The following RGS7 variants were observed in gnomAD, a reference collection of about 807,000 sequenced individuals.
RGS7 encodes the protein regulator of G-protein signaling 7.
In RGS7, 27 loss-of-function variants were observed where a neutral mutation model predicts 81.1. The observed-to-expected ratio is 0.33, with a 90% CI of 0.25 to 0.46. The LOEUF (loss-of-function observed/expected upper bound fraction) is 0.46, where lower values mean the gene tolerates loss of function less well. Ranked by LOEUF, RGS7 falls within the 20% of genes least tolerant of loss-of-function variation. The pLI is 1.00. For missense variants in RGS7, 396 were observed against 607.4 expected (o/e 0.65, Z 3.66); for synonymous variants, 208 against 207.7 (o/e 1.00, Z -0.01).
intron 2 of RGS7, among the ~76,000 whole-genome samples, chr1:241,260,254 A>T (rs140070792): frequency 1.4e-4 from 22 of 152,324 alleles, no homozygotes; most frequent in African/African-American, 5.1e-4. Flanking sequence ...TCCCAAGTAC[A>T]CAGTAGGTCA....
intron 2 of RGS7, among the ~76,000 whole-genome samples, chr1:241,256,948 CACACACACACACACGTGT>C: frequency 6.6e-6 from 1 of 151,808 alleles, no homozygotes; most frequent in South Asian, 2.1e-4. Context: ...CACACACACA[CACACACACACACACGTGT>C]GTGTATCTAT....
intron 2 of RGS7, among the ~76,000 whole-genome samples, chr1:241,182,032 CAG>C (rs1449122757): frequency 2.6e-5 from 4 of 152,148 alleles, no homozygotes; most frequent in African/African-American, 9.6e-5. Context: ...CAGTACCGTG[CAG>C]AGTCACAACC....
chr1:240,853,900 CAAA>C (rs35471716), intron 9 of RGS7, among the ~76,000 whole-genome samples: 125 of 22,202 alleles, frequency 5.6e-3, no homozygotes, highest in African/African-American at 0.018. Context: ...GACTCCGTCT[CAAA>C]AAAAAAAAAA....
chr1:240,941,734 T>C (rs1377873374), intron 4 of RGS7, among the ~76,000 whole-genome samples: 1 of 151,808 alleles, frequency 6.6e-6, no homozygotes, highest in Admixed American at 6.6e-5. Context: ...GGTGCCACAG[T>C]TCCCTGTGGT....
At chr1:241,078,483 T>TTA (rs1189678820) in intron 3 of RGS7, among the ~76,000 whole-genome samples, 12 of 75,824 alleles carry the variant, frequency 1.6e-4, no homozygotes, top group African/African-American at 6.1e-4. Flanking sequence ...CACACGTAAG[T>TTA]TATGTGTGTG....
At chr1:240,925,695 T>C (rs1674328010) in intron 6 of RGS7, among the ~76,000 whole-genome samples, 1 of 152,194 alleles carries the variant, frequency 6.6e-6, no homozygotes, top group Admixed American at 6.5e-5. Context: ...CTTTGAGAAA[T>C]CTCCAGACAA....
intron 9 of RGS7, among the ~76,000 whole-genome samples, chr1:240,839,061 G>A (rs774629361): frequency 6.6e-6 from 1 of 152,152 alleles, no homozygotes. Flanking sequence ...CACTGTGCCC[G>A]GCCTATTTTG....
intron 15 of RGS7, among the ~76,000 whole-genome samples, chr1:240,804,923 A>T (rs186354167): frequency 6.6e-6 from 1 of 152,340 alleles, no homozygotes; most frequent in Admixed American, 6.5e-5. Context: ...GAGAGTGGAA[A>T]TAAGGAAGGA....
chr1:241,051,555 C>T (rs778652207), intron 3 of RGS7, among the ~76,000 whole-genome samples: 10 of 152,006 alleles, frequency 6.6e-5, no homozygotes, highest in Non-Finnish European at 1.5e-4. Flanking sequence ...TCTCTCTCCC[C>T]GCACCCCCCA....
At chr1:241,303,417 C>T (rs2079892829) in intron 2 of RGS7, among the ~76,000 whole-genome samples, 1 of 152,198 alleles carries the variant, frequency 6.6e-6, no homozygotes. Context: ...GTCTGCAGAA[C>T]TGTGAGTCAA....
intron 2 of RGS7, among the ~76,000 whole-genome samples, chr1:241,180,302 G>T (rs1275288529): frequency 6.6e-6 from 1 of 152,082 alleles, no homozygotes; most frequent in Non-Finnish European, 1.5e-5. Context: ...GTGAACCCGG[G>T]AGGCGGAGAT....
chr1:241,089,420 C>T (rs889231299), intron 3 of RGS7, among the ~76,000 whole-genome samples: 1 of 151,946 alleles, frequency 6.6e-6, no homozygotes, highest in Non-Finnish European at 1.5e-5. Flanking sequence ...GGGCTCTCCA[C>T]CTTTCCCTTT....
At chr1:240,974,229 G>C (rs554135034) in intron 4 of RGS7, among the ~76,000 whole-genome samples, 1 of 152,242 alleles carries the variant, frequency 6.6e-6, no homozygotes, top group African/African-American at 2.4e-5. Context: ...TCTAGAGGAA[G>C]AAACTTTGCA....
intron 6 of RGS7, among the ~76,000 whole-genome samples, chr1:240,871,553 C>A (rs1328805191): frequency 6.6e-6 from 1 of 152,078 alleles, no homozygotes; most frequent in African/African-American, 2.4e-5. Context: ...TACAATCTAC[C>A]ATAATAATTT....
chr1:241,007,629 A>G (rs549796696), intron 3 of RGS7, among the ~76,000 whole-genome samples: 1 of 152,334 alleles, frequency 6.6e-6, no homozygotes, highest in East Asian at 1.9e-4. Flanking sequence ...AAATCAGTTT[A>G]AAAGCGTGGT....
At chr1:241,005,797 AG>A (rs1207978240) in intron 3 of RGS7, among the ~76,000 whole-genome samples, 4 of 152,106 alleles carry the variant, frequency 2.6e-5, no homozygotes, top group African/African-American at 7.2e-5. Context: ...GGCCTCCCAA[AG>A]TGCTGAGATT....
At chr1:240,966,431 G>T (rs2148492030) in intron 4 of RGS7, among the ~76,000 whole-genome samples, 2 of 152,134 alleles carry the variant, frequency 1.3e-5, no homozygotes, top group East Asian at 3.9e-4. Context: ...TGGCCTTGCT[G>T]TTCCTCTGCT....
Position 241,163,168 on chromosome 1 carries a change from G to A in RGS7, c.79-64406C>T, listed in dbSNP as rs1241197252. 6.6e-6 allele frequency among the ~76,000 whole-genome samples: 1 copy of A among 152,124 alleles called. No individual in the cohort carries two copies. Among genetic ancestry groups the A allele is most frequent in the East Asian group, 1.9e-4 (1 of 5,190 alleles). On this transcript the variant is annotated intron_variant, in intron 2 of 18. Transcript: ENST00000440928. The surrounding 1 kb of genome is among the most constrained non-coding windows in gnomAD (Gnocchi z 4.6). ...AGGTCAGAAAGGGGGTTCATTCGAG[G>A]GAGCCAGGAAACGGGGCCTGAAGCA... is the stretch of plus-strand genomic sequence containing the variant.
intron 2 of RGS7, among the ~76,000 whole-genome samples, chr1:241,118,634 A>C (rs902504323): frequency 6.6e-6 from 1 of 152,166 alleles, no homozygotes; most frequent in Non-Finnish European, 1.5e-5. Flanking sequence ...AAGTCATGGA[A>C]CTAACTTAAA....
Sources: allele counts gnomAD v4.1 joint callset (sites outside exome capture counted in the v4.1 genomes callset), GRCh38; gene constraint gnomAD v4.1.1; non-coding constraint Gnocchi (gnomAD v3.1); transcripts MANE v1.5; gene names NCBI Gene and HGNC (gene_info 2026-07-23, HGNC 2026-07-21).